Variants in RYR3 observed in about 807,000 individuals in gnomAD.
RYR3 encodes brain ryanodine receptor-calcium release channel.
RYR3 carries 207 observed loss-of-function variants against 584.3 expected under a neutral mutation model. The observed-to-expected ratio is 0.35, with a 90% CI of 0.32 to 0.40. The LOEUF is 0.40. Ranked by LOEUF, RYR3 falls within the 10% of genes least tolerant of loss-of-function variation. The probability of loss-of-function intolerance (pLI) is 1.00; values close to 1 mark genes in which losing one functional copy is unlikely to be tolerated. For missense variants in RYR3, 5,616 were observed against 6,089.2 expected (o/e 0.92, Z 2.59); for synonymous variants, 2,416 against 2,248.5 (o/e 1.07, Z -2.11).
At chr15:33,479,533 C>T (rs1365281309) in intron 2 of RYR3, among the ~76,000 whole-genome samples, 1 of 149,102 alleles carries the variant, frequency 6.7e-6, no homozygotes, top group Non-Finnish European at 1.5e-5. Context: ...CGCTATGTCC[C>T]AAGTAATGCC....
Position 33,859,700 on chromosome 15 carries a change from C to T in RYR3, c.14268C>T (p.Phe4756=), listed in dbSNP as rs79305633. ...RIVFDITFFF[F]VIVILLAIIQ... The stretch of plus-strand genomic sequence containing the variant: ...TCTTTGACATTACCTTTTTCTTCTT[C>T]GTCATTGTCATCTTGCTGGCCATCA... Residue 4756 remains phenylalanine (F), a synonymous_variant, in exon 100 of 104, where the codon TTC becomes TTT. Coordinates refer to ENST00000634891, the MANE Select transcript of RYR3 (RefSeq NM_001036.6). The T allele has an allele frequency of 0.037, 60,169 of 1,611,940 alleles. 1,484 individuals carry two copies. The highest frequency in any genetic ancestry group is 0.039 in the Non-Finnish European group (46,534 of 1,178,774).
intron 42 of RYR3, among the ~76,000 whole-genome samples, chr15:33,701,864 A>T (rs1163906886): frequency 6.6e-6 from 1 of 152,064 alleles, no homozygotes; most frequent in East Asian, 1.9e-4. Context: ...CCGAGAGGAG[A>T]GTATGGCGTG....
At chr15:33,850,301 G>C (rs1186041985) in intron 94 of RYR3, 3 of 152,062 alleles carry the variant, frequency 2.0e-5, no homozygotes, top group African/African-American at 7.3e-5. Flanking sequence ...AGAATCACTT[G>C]AACCTGGGAG....
intron 1 of RYR3, among the ~76,000 whole-genome samples, chr15:33,414,899 G>A (rs1361962559): frequency 1.3e-5 from 2 of 152,092 alleles, no homozygotes; most frequent in African/African-American, 4.8e-5. Context: ...GCCTTAATAA[G>A]TACTTTGTGT....
chr15:33,584,053 C>CA (rs1236271106), intron 14 of RYR3, among the ~76,000 whole-genome samples: 1 of 151,640 alleles, frequency 6.6e-6, no homozygotes, highest in Non-Finnish European at 1.5e-5. Context: ...AACTCCATCT[C>CA]AAAAAACAAA....
At chr15:33,667,844 A>AGCCTTGAT (rs1349678465) in intron 36 of RYR3, among the ~76,000 whole-genome samples, 1 of 152,082 alleles carries the variant, frequency 6.6e-6, no homozygotes, top group Non-Finnish European at 1.5e-5. Context: ...CAGGTGGATC[A>AGCCTTGAT]CAAGGTCAGG....
intron 94 of RYR3, chr15:33,852,646 C>G (rs2079223305): frequency 5.8e-6 from 1 of 172,962 alleles, no homozygotes; most frequent in African/African-American, 2.4e-5. Flanking sequence ...TTATCTACCC[C>G]AGTAGGTGAC....
chr15:33,337,114 AAG>A (rs1257944122), intron 1 of RYR3, among the ~76,000 whole-genome samples: 1 of 151,640 alleles, frequency 6.6e-6, no homozygotes, highest in Admixed American at 6.6e-5. Context: ...CTGATAAAAA[AAG>A]AGAAGGCATG....
chr15:33,697,321 C>A (rs1257833693), intron 39 of RYR3, among the ~76,000 whole-genome samples: 1 of 152,180 alleles, frequency 6.6e-6, no homozygotes, highest in Non-Finnish European at 1.5e-5. Flanking sequence ...GATAATTATT[C>A]TCTCCCCAGC....
rs191183806 is a variant in RYR3 at position 33,794,295 on chromosome 15, T to C, written c.9830+5837T>C. Among the ~76,000 whole-genome samples, 399 of 76,946 alleles carry C rather than the reference T, an allele frequency of 5.2e-3. 10 individuals are homozygous for C. The highest frequency in any genetic ancestry group is 0.015 in the African/African-American group (385 of 25,876). 50.5% of individuals were successfully genotyped at this position (76,946 alleles called of 152,430 possible). On this transcript the variant is annotated intron_variant, in intron 67 of 103. Coordinates refer to ENST00000634891, the MANE Select transcript of RYR3 (RefSeq NM_001036.6). The stretch of plus-strand genomic sequence containing the variant: ...GATAGGTAAGGAAAGAAAAGATTTT[T>C]TATATATATATTTTTATATATATAT...
intron 87 of RYR3, among the ~76,000 whole-genome samples, chr15:33,835,451 C>T (rs548984811): frequency 6.6e-6 from 1 of 152,152 alleles, no homozygotes; most frequent in Non-Finnish European, 1.5e-5. Flanking sequence ...AATCCACATC[C>T]CTCTTCTCTC....
chr15:33,848,238 G>A lies in RYR3; in HGVS notation c.13498-53G>A. ...AATTTGTGACAAATACCTGGGAGCA[G>A]GAGCTTTAATCACAAAGCCTGCTCT... is the stretch of plus-strand genomic sequence containing the variant. On this transcript the variant is annotated intron_variant, in intron 93 of 103. Coordinates refer to ENST00000634891, the MANE Select transcript of RYR3 (RefSeq NM_001036.6). 3 of 1,607,008 alleles carry A rather than the reference G, an allele frequency of 1.9e-6. No homozygotes were observed. In the Admixed American group the frequency reaches 5.1e-5, roughly 27 times the overall value.
At chr15:33,814,574 G>A (rs2076707710) in intron 74 of RYR3, among the ~76,000 whole-genome samples, 1 of 152,076 alleles carries the variant, frequency 6.6e-6, no homozygotes, top group Non-Finnish European at 1.5e-5. Context: ...TGGCCACCTG[G>A]GCTTTCTTAG....
At chr15:33,371,052 A>G (rs1244180345) in intron 1 of RYR3, among the ~76,000 whole-genome samples, 1 of 152,254 alleles carries the variant, frequency 6.6e-6, no homozygotes, top group Non-Finnish European at 1.5e-5. Context: ...TGGGCCCAAG[A>G]CAAATCATTA....
chr15:33,642,628 T>G (rs1361735889), intron 27 of RYR3, among the ~76,000 whole-genome samples: 1 of 152,252 alleles, frequency 6.6e-6, no homozygotes, highest in East Asian at 1.9e-4. Context: ...CAAGCAATTC[T>G]TATTCTACAC....
At chr15:33,818,708 T>G in intron 76 of RYR3, 24 bp downstream of exon 76, 1 of 1,550,926 alleles carries the variant, frequency 6.4e-7, no homozygotes, top group Non-Finnish European at 8.9e-7. Flanking sequence ...GCTCACCTGC[T>G]TCTCCCAGGC....
At chr15:33,531,298 C>T (rs557048155) in intron 4 of RYR3, among the ~76,000 whole-genome samples, 3,879 of 151,802 alleles carry the variant, frequency 0.026, 63 homozygotes, top group Non-Finnish European at 0.04. Context: ...GAAAAAATTG[C>T]TACATTTTAA....
chr15:33,690,778 C>A (rs913191602), intron 38 of RYR3, among the ~76,000 whole-genome samples: 1 of 151,978 alleles, frequency 6.6e-6, no homozygotes, highest in African/African-American at 2.4e-5. Context: ...ACCCCAAAAG[C>A]TTTAGTTTAT....
chr15:33,847,864 A>C (rs1413490134), intron 93 of RYR3, among the ~76,000 whole-genome samples: 1 of 152,212 alleles, frequency 6.6e-6, no homozygotes. Context: ...TGTACATTGA[A>C]GGGAGTTGGA....
Sources: gnomAD v4.1 joint callset for allele counts (sites outside exome capture counted in the v4.1 genomes callset) on GRCh38, gnomAD v4.1.1 for gene constraint, MANE v1.5 for transcripts, NCBI Gene and HGNC (gene_info 2026-07-23, HGNC 2026-07-21) for gene names.